Variants in CDH13 observed in about 807,000 individuals in gnomAD.
The protein encoded by CDH13 is cadherin-13.
CDH13 carries 24 observed loss-of-function variants against 63.8 expected under a neutral mutation model. The ratio of observed to expected loss-of-function variants is 0.38; its 90% CI spans 0.27 to 0.53. The LOEUF (loss-of-function observed/expected upper bound fraction) is 0.53. Ranked by LOEUF, CDH13 falls within the 20% of genes least tolerant of loss-of-function variation. The pLI, the probability that CDH13 is intolerant of heterozygous loss-of-function variation, is 0.85. For synonymous variants in CDH13, 503 were observed against 355.3 expected (o/e 1.42, Z -4.67); for missense variants, 1,049 against 903.1 (o/e 1.16, Z -2.07).
chr16:82,952,567 C>T (rs563787443), intron 2 of CDH13, among the ~76,000 whole-genome samples: 62 of 152,288 alleles, frequency 4.1e-4, no homozygotes, highest in African/African-American at 1.5e-3. Context: ...TCTACAGATC[C>T]TTGAATATAA....
chr16:82,932,924 G>A (rs2042545200), intron 2 of CDH13, among the ~76,000 whole-genome samples: 2 of 152,118 alleles, frequency 1.3e-5, no homozygotes, highest in African/African-American at 4.8e-5. Flanking sequence ...AGAGAAATTG[G>A]GAAGCCATGA....
intron 6 of CDH13, among the ~76,000 whole-genome samples, chr16:83,416,977 A>T (rs2071568957): frequency 6.6e-6 from 1 of 152,232 alleles, no homozygotes; most frequent in African/African-American, 2.4e-5. Flanking sequence ...CCATAATTTT[A>T]AAAATAGTGT....
rs376989512 is a variant in CDH13, at chr16:83,780,042, T to C, written c.1756T>C (p.Tyr586His). 1.9e-6 allele frequency: 3 copies of C among 1,613,878 alleles called. No homozygotes were observed. The highest frequency in any genetic ancestry group is 1.3e-5 in the African/African-American group (1 of 74,932). Residue 586 changes from tyrosine to histidine, a missense_variant, in exon 12 of 14, where the codon TAC becomes CAC. By Grantham distance (83) the Tyr-to-His change is moderately conservative (BLOSUM62 2). Coordinates refer to ENST00000567109, the MANE Select transcript of CDH13 (RefSeq NM_001257.5). ...CGTGAATGACAATGCCCCGTTCATT[T>C]ACCCCACAGTAGCTGAAGTCTGTGA... ...EDVNDNAPFI[Y>H]PTVAEVCDDA...
chr16:82,946,619 G>A (rs576674894), intron 2 of CDH13, among the ~76,000 whole-genome samples: 1 of 152,216 alleles, frequency 6.6e-6, no homozygotes, highest in South Asian at 2.1e-4. Flanking sequence ...TGCTTAGGAG[G>A]CTGAGGCGTG....
chr16:83,286,974 C>G (rs2089334008), intron 5 of CDH13, among the ~76,000 whole-genome samples: 1 of 152,108 alleles, frequency 6.6e-6, no homozygotes, highest in African/African-American at 2.4e-5. Flanking sequence ...AACCTGTACC[C>G]CATAGATGGT....
intron 7 of CDH13, among the ~76,000 whole-genome samples, chr16:83,514,138 G>T (rs2074643098): frequency 6.6e-6 from 1 of 152,094 alleles, no homozygotes; most frequent in African/African-American, 2.4e-5. Context: ...CCTGCTCTTT[G>T]TTCTCTATAT....
intron 1 of CDH13, among the ~76,000 whole-genome samples, chr16:82,839,677 C>G (rs1226681132): frequency 6.6e-6 from 1 of 152,180 alleles, no homozygotes; most frequent in Non-Finnish European, 1.5e-5. Context: ...CCATGTGCAC[C>G]TCTCTGCTAG....
At chr16:83,613,197 C>T (rs1598370026) in intron 8 of CDH13, among the ~76,000 whole-genome samples, 1 of 152,324 alleles carries the variant, frequency 6.6e-6, no homozygotes, top group East Asian at 1.9e-4. Flanking sequence ...AAACGTGTCT[C>T]TTTTCTCTGG....
intron 10 of CDH13, among the ~76,000 whole-genome samples, chr16:83,711,421 C>A (rs1220325523): frequency 6.6e-6 from 1 of 152,142 alleles, no homozygotes; most frequent in African/African-American, 2.4e-5. Context: ...AGTCAATTAG[C>A]AAACTTTCCT....
intron 10 of CDH13, among the ~76,000 whole-genome samples, chr16:83,716,653 T>C (rs1235280136): frequency 6.6e-6 from 1 of 151,982 alleles, no homozygotes; most frequent in Non-Finnish European, 1.5e-5. Context: ...CCGGTTAATT[T>C]TTGTATTTTT....
intron 5 of CDH13, among the ~76,000 whole-genome samples, chr16:83,298,763 C>T (rs1260355634): frequency 6.6e-6 from 1 of 152,196 alleles, no homozygotes; most frequent in African/African-American, 2.4e-5. Flanking sequence ...AGTATGCCTG[C>T]TTCACTGAGC....
At chr16:83,139,630 C>T (rs936449338) in intron 4 of CDH13, among the ~76,000 whole-genome samples, 7 of 151,820 alleles carry the variant, frequency 4.6e-5, no homozygotes, top group Non-Finnish European at 8.8e-5. Context: ...TTTTGCAAAT[C>T]ACTTTTTTTT....
chr16:83,379,938 T>TATATAGAG, intron 6 of CDH13, among the ~76,000 whole-genome samples: 75 of 123,462 alleles, frequency 6.1e-4, no homozygotes, highest in South Asian at 1.9e-3. Flanking sequence ...TATATATATA[T>TATATAGAG]AGAGAGAGAG....
At chr16:83,451,977 C>A (rs2151511850) in intron 6 of CDH13, among the ~76,000 whole-genome samples, 1 of 152,250 alleles carries the variant, frequency 6.6e-6, no homozygotes, top group South Asian at 2.1e-4. Flanking sequence ...TTAATCTTTG[C>A]TTTTCCTGTG....
chr16:83,593,160 A>C (rs1011650742), intron 7 of CDH13, among the ~76,000 whole-genome samples: 12 of 152,366 alleles, frequency 7.9e-5, no homozygotes, highest in Non-Finnish European at 1.8e-4. Flanking sequence ...TTTAGGCTTC[A>C]TATTGCAAGG....
intron 5 of CDH13, among the ~76,000 whole-genome samples, chr16:83,305,888 A>G (rs910477269): frequency 1.3e-5 from 2 of 152,206 alleles, no homozygotes; most frequent in African/African-American, 2.4e-5. Context: ...GTCCTAATCT[A>G]CAACATAGGA....
intron 1 of CDH13, among the ~76,000 whole-genome samples, chr16:82,821,256 G>A (rs1032130114): frequency 2.0e-5 from 3 of 152,148 alleles, no homozygotes; most frequent in Admixed American, 2.0e-4. Context: ...TTCTGAGGGG[G>A]AATTTGGAAC....
At chr16:83,732,249 C>G (rs1176986813) in intron 10 of CDH13, among the ~76,000 whole-genome samples, 1 of 152,144 alleles carries the variant, frequency 6.6e-6, no homozygotes, top group African/African-American at 2.4e-5. Context: ...TGGAGAGTAA[C>G]TGGAGAAGGC....
Position 83,670,955 on chromosome 16 carries a change from A to T in CDH13, c.1267A>T (p.Met423Leu). The T allele has an allele frequency of 6.3e-7, 1 of 1,598,952 alleles. No homozygotes were observed. Among genetic ancestry groups the T allele is most frequent in the Non-Finnish European group, 8.5e-7 (1 of 1,169,966 alleles). ...CACCAACCCTCAAACCAACGAAGGG[A>T]TGCTTTCTGTTGTCAAAGTAAGGGT... Reference protein sequence around the residue: ...IHTNPQTNEGMLSVVKPLDYE... With the variant: ...IHTNPQTNEGLLSVVKPLDYE... Residue 423 changes from methionine (M) to leucine (L), a missense_variant, in exon 9 of 14, where the codon ATG becomes TTG. Coordinates refer to ENST00000567109, the MANE Select transcript of CDH13 (RefSeq NM_001257.5).
Sources: allele counts gnomAD v4.1 joint callset (sites outside exome capture counted in the v4.1 genomes callset), GRCh38; gene constraint gnomAD v4.1.1; transcripts MANE v1.5; gene names NCBI Gene and HGNC (gene_info 2026-07-23, HGNC 2026-07-21).